The following CSMD1 variants were observed in gnomAD, a reference collection of about 807,000 sequenced individuals.
The protein encoded by CSMD1 is CUB and sushi domain-containing protein 1.
In CSMD1, 213 loss-of-function variants were observed where a neutral mutation model predicts 417.5. That is an observed-to-expected ratio of 0.51 (90% confidence interval 0.46 to 0.57). CSMD1 has a LOEUF of 0.57. CSMD1 is among the 20% of genes least tolerant of loss of function. The pLI, the probability that CSMD1 is intolerant of heterozygous loss-of-function variation, is 0.00. For synonymous variants in CSMD1, 2,862 were observed against 1,736.8 expected (o/e 1.65, Z -16.11); for missense variants, 6,923 against 4,529.7 (o/e 1.53, Z -15.17).
chr8:3,300,034 A>C (rs1204072116), intron 25 of CSMD1, among the ~76,000 whole-genome samples: 1 of 152,194 alleles, frequency 6.6e-6, no homozygotes, highest in Admixed American at 6.5e-5. Context: ...AGCATTACTT[A>C]CAACAGTGAA....
intron 26 of CSMD1, among the ~76,000 whole-genome samples, chr8:3,255,597 C>T (rs985006761): frequency 6.6e-6 from 1 of 152,214 alleles, no homozygotes; most frequent in African/African-American, 2.4e-5. Flanking sequence ...CTTGCTGCAG[C>T]CCTGCAGTTT....
intron 5 of CSMD1, among the ~76,000 whole-genome samples, chr8:3,781,170 G>C (rs574469879): frequency 6.6e-6 from 1 of 152,106 alleles, no homozygotes; most frequent in Non-Finnish European, 1.5e-5. Context: ...ACAAAGATTG[G>C]TGATTATTTA....
chr8:4,200,306 A>G (rs1799572845), intron 3 of CSMD1, among the ~76,000 whole-genome samples: 1 of 152,188 alleles, frequency 6.6e-6, no homozygotes, highest in African/African-American at 2.4e-5. Context: ...AATTATGCTT[A>G]GAGTGTCACT....
intron 1 of CSMD1, among the ~76,000 whole-genome samples, chr8:4,712,611 ATTTG>A (rs1244544872): frequency 6.6e-6 from 1 of 152,210 alleles, no homozygotes; most frequent in Non-Finnish European, 1.5e-5. Context: ...AAGATCTAGG[ATTTG>A]TTTATTTTTG....
intron 5 of CSMD1, among the ~76,000 whole-genome samples, chr8:3,976,123 C>A (rs1376205158): frequency 6.6e-6 from 1 of 151,350 alleles, no homozygotes; most frequent in Non-Finnish European, 1.5e-5. Flanking sequence ...AATACATTAC[C>A]TATATAGTAG....
chr8:3,859,047 T>G (rs1804509928), intron 5 of CSMD1, among the ~76,000 whole-genome samples: 1 of 152,134 alleles, frequency 6.6e-6, no homozygotes, highest in African/African-American at 2.4e-5. Flanking sequence ...ATAAGTGAAA[T>G]TTTACATTAT....
chr8:4,226,123 C>T (rs1417804747), intron 3 of CSMD1, among the ~76,000 whole-genome samples: 1 of 151,894 alleles, frequency 6.6e-6, no homozygotes, highest in Non-Finnish European at 1.5e-5. Context: ...CACACATACA[C>T]ACTTGCTAGC....
rs7819354 is a variant in CSMD1 at position 4,572,233 on chromosome 8, A to G, written c.302+65109T>C. Among the ~76,000 whole-genome samples the G allele has an allele frequency of 9.9e-4, 150 of 152,260 alleles. 1 individual carries two copies. The highest frequency in any genetic ancestry group is 3.3e-3 in the African/African-American group (139 of 41,558). On this transcript the variant is annotated intron_variant, in intron 2 of 69. Transcript: ENST00000635120. Reference sequence around the variant, plus strand: ...GTGTTGTTGGTCTTTACATTTTGGTATGTTTGAGCAGTGGCTGGTACCAGT... The same window carrying G: ...GTGTTGTTGGTCTTTACATTTTGGTGTGTTTGAGCAGTGGCTGGTACCAGT...
chr8:3,809,104 G>T (rs180742342), intron 5 of CSMD1, among the ~76,000 whole-genome samples: 3 of 152,064 alleles, frequency 2.0e-5, no homozygotes, highest in Non-Finnish European at 4.4e-5. Flanking sequence ...ACCTGCCACC[G>T]GGCACATGCT....
chr8:3,592,976 G>A (rs140860305), intron 8 of CSMD1, among the ~76,000 whole-genome samples: 22 of 152,326 alleles, frequency 1.4e-4, no homozygotes, highest in African/African-American at 5.1e-4. Flanking sequence ...CTCCCCGCAG[G>A]CACCCCATCC....
intron 1 of CSMD1, among the ~76,000 whole-genome samples, chr8:4,696,001 C>A (rs1387468273): frequency 6.6e-6 from 1 of 152,154 alleles, no homozygotes; most frequent in Non-Finnish European, 1.5e-5. Context: ...TTAATCCTGG[C>A]TTACTGCACA....
chr8:3,853,334 T>C (rs1392463674), intron 5 of CSMD1, among the ~76,000 whole-genome samples: 1 of 152,236 alleles, frequency 6.6e-6, no homozygotes, highest in Non-Finnish European at 1.5e-5. Flanking sequence ...TATTATTTCA[T>C]AACATGCTCC....
chr8:3,765,276 T>C (rs1057093576), intron 5 of CSMD1, among the ~76,000 whole-genome samples: 2 of 152,176 alleles, frequency 1.3e-5, no homozygotes, highest in African/African-American at 4.8e-5. Context: ...CAATCTATGC[T>C]AGCCCCACGG....
At chr8:4,851,430 A>C (rs1801474918) in intron 1 of CSMD1, among the ~76,000 whole-genome samples, 1 of 151,104 alleles carries the variant, frequency 6.6e-6, no homozygotes, top group South Asian at 2.1e-4. Flanking sequence ...TTCTTCGTCA[A>C]TTTCTTAAAT....
At chr8:3,426,343 A>G (rs1478072174) in intron 12 of CSMD1, among the ~76,000 whole-genome samples, 2 of 152,224 alleles carry the variant, frequency 1.3e-5, no homozygotes. Flanking sequence ...TACGTATCAG[A>G]CAGTGATCAT....
chr8:4,215,623 C>T (rs996412601), intron 3 of CSMD1, among the ~76,000 whole-genome samples: 1 of 151,870 alleles, frequency 6.6e-6, no homozygotes, highest in African/African-American at 2.4e-5. Context: ...TTACTTTGAA[C>T]ATAAATTTGG....
intron 1 of CSMD1, among the ~76,000 whole-genome samples, chr8:4,986,271 A>G (rs542077887): frequency 6.6e-6 from 1 of 152,320 alleles, no homozygotes; most frequent in African/African-American, 2.4e-5. Context: ...ACTAACTATC[A>G]AGGAGGTGTA....
intron 7 of CSMD1, among the ~76,000 whole-genome samples, chr8:3,658,464 G>GTATATATATATATATATATATAT (rs113956125): frequency 5.5e-5 from 8 of 144,174 alleles, no homozygotes; most frequent in African/African-American, 7.6e-5. Flanking sequence ...TATATATATT[G>GTATATATATATATATATATATAT]TGTATATATA....
At position 2,938,241 on chromosome 8, in the gene CSMD1, G is replaced by C. The variant is rs1050763224; in HGVS notation, c.*344C>G. Reference sequence around the variant, plus strand: ...GACATATCCACGAGCCCAGACGATTGCATTGAAAGGCATCTCAGCAACACA... The same window carrying C: ...GACATATCCACGAGCCCAGACGATTCCATTGAAAGGCATCTCAGCAACACA... On this transcript the variant is annotated 3_prime_UTR_variant, in exon 70 of 70. Transcript: ENST00000635120. The C allele has an allele frequency of 3.7e-5, 8 of 217,822 alleles. No homozygotes were observed. The highest frequency in any genetic ancestry group is 1.8e-4 in the African/African-American group (8 of 43,982). 13.5% of individuals were successfully genotyped at this position (217,822 alleles called of 1,614,324 possible). A position where few individuals can be genotyped will look rare whatever the true frequency, so the allele number is the denominator to read the frequency against.
Sources: gnomAD v4.1 joint callset for allele counts (sites outside exome capture counted in the v4.1 genomes callset) on GRCh38, gnomAD v4.1.1 for gene constraint, MANE v1.5 for transcripts, NCBI Gene and HGNC (gene_info 2026-07-23, HGNC 2026-07-21) for gene names.